The following TRAPPC9 variants were observed in gnomAD, a reference collection of about 807,000 sequenced individuals.
The protein encoded by TRAPPC9 is IKK2 binding protein.
A neutral mutation model predicts 124.0 loss-of-function variants in TRAPPC9; 83 were observed. The observed-to-expected ratio is 0.67, with a 90% CI of 0.56 to 0.80. TRAPPC9 has a LOEUF of 0.80. TRAPPC9 is among the 30% of genes least tolerant of loss of function. The pLI is 0.00. For synonymous variants in TRAPPC9, 638 were observed against 617.5 expected, an observed-to-expected ratio of 1.03 and a Z score of -0.49; for missense variants, 1,302 against 1,508.3, an observed-to-expected ratio of 0.86 and a Z score of 2.27.
At chr8:140,033,644 C>T (rs1044168073) in intron 17 of TRAPPC9, among the ~76,000 whole-genome samples, 5 of 127,886 alleles carry the variant, frequency 3.9e-5, no homozygotes, top group African/African-American at 1.4e-4. Flanking sequence ...TGAAATGCAA[C>T]TCTTCATAAT....
At chr8:140,453,031 TC>T (rs1240821521) in intron 1 of TRAPPC9, among the ~76,000 whole-genome samples, 3 of 152,194 alleles carry the variant, frequency 2.0e-5, no homozygotes, top group African/African-American at 7.2e-5. Context: ...GTATATAGGA[TC>T]CCTCAGTATT....
At chr8:139,946,797 G>A (rs1003587979) in intron 19 of TRAPPC9, among the ~76,000 whole-genome samples, 17 of 150,016 alleles carry the variant, frequency 1.1e-4, no homozygotes, top group African/African-American at 3.7e-4. Context: ...TGGCTAACAC[G>A]GTGAAACCCT....
intron 15 of TRAPPC9, among the ~76,000 whole-genome samples, chr8:140,260,374 G>A (rs929853567): frequency 1.4e-4 from 21 of 152,190 alleles, no homozygotes; most frequent in Non-Finnish European, 2.5e-4. Context: ...GAACTGGTGA[G>A]AAGGACAACA....
At chr8:140,441,044 T>A (rs945832675) in intron 2 of TRAPPC9, among the ~76,000 whole-genome samples, 2 of 131,558 alleles carry the variant, frequency 1.5e-5, no homozygotes, top group African/African-American at 2.9e-5. Context: ...AGTGGCACAA[T>A]CACAGCTCAC....
At chr8:140,175,150 AACAGACAACC>A (rs1230286721) in intron 17 of TRAPPC9, among the ~76,000 whole-genome samples, 2 of 152,184 alleles carry the variant, frequency 1.3e-5, no homozygotes, top group East Asian at 3.9e-4. Context: ...TTCAATTTCC[AACAGACAACC>A]ACTTACCATG....
chr8:140,258,860 G>A (rs2064331069), intron 15 of TRAPPC9, among the ~76,000 whole-genome samples: 1 of 152,202 alleles, frequency 6.6e-6, no homozygotes, highest in Admixed American at 6.5e-5. Flanking sequence ...GCCTATCCCA[G>A]GGCTGCAGGG....
intron 21 of TRAPPC9, among the ~76,000 whole-genome samples, chr8:139,791,827 C>A (rs1220383520): frequency 6.6e-6 from 1 of 152,194 alleles, no homozygotes; most frequent in Non-Finnish European, 1.5e-5. Context: ...GGACAGTGCA[C>A]AGGTCACTCT....
At chr8:140,064,590 A>C (rs1360810316) in intron 17 of TRAPPC9, among the ~76,000 whole-genome samples, 1 of 152,242 alleles carries the variant, frequency 6.6e-6, no homozygotes, top group Non-Finnish European at 1.5e-5. Context: ...GTAACAAAGC[A>C]AAGAGAAATT....
intron 9 of TRAPPC9, among the ~76,000 whole-genome samples, chr8:140,318,376 A>T (rs2066495606): frequency 6.6e-6 from 1 of 152,236 alleles, no homozygotes; most frequent in Admixed American, 6.5e-5. Context: ...TTTTGTGATA[A>T]GAACATTTGA....
intron 18 of TRAPPC9, among the ~76,000 whole-genome samples, chr8:140,005,131 T>G (rs527927607): frequency 1.3e-4 from 20 of 152,334 alleles, no homozygotes; most frequent in Non-Finnish European, 2.2e-4. Flanking sequence ...CACACTGCTA[T>G]GGAGCTTCCT....
At chr8:140,407,942 C>T (rs76076534) in intron 5 of TRAPPC9, among the ~76,000 whole-genome samples, 4,879 of 152,178 alleles carry the variant, frequency 0.032, 170 homozygotes, top group African/African-American at 0.087. Flanking sequence ...ATTTCAACAT[C>T]AAGGCTAGAG....
rs751487459 is a variant in TRAPPC9, at chr8:140,397,797, G to A, written c.1009-52C>T. The A allele has an allele frequency of 1.9e-6, 3 of 1,609,458 alleles. No homozygotes were observed. In the South Asian group the frequency reaches 3.3e-5, roughly 18 times the overall value. On this transcript the variant is annotated intron_variant, in intron 6 of 22. Transcript: ENST00000438773. ...GTCAAAAAAGAGTTCAGATGTTTCT[G>A]TCACATTCTAAAGGCTGTGCTACTG...
chr8:140,298,550 G>T (rs2065875772), intron 11 of TRAPPC9, among the ~76,000 whole-genome samples: 1 of 152,134 alleles, frequency 6.6e-6, no homozygotes, highest in Non-Finnish European at 1.5e-5. Context: ...CACTCGGGAG[G>T]CTGAGGCAGG....
intron 17 of TRAPPC9, among the ~76,000 whole-genome samples, chr8:140,137,855 C>T (rs1184399077): frequency 2.6e-5 from 4 of 152,044 alleles, no homozygotes; most frequent in African/African-American, 7.3e-5. Flanking sequence ...TAACCATATA[C>T]GATTATAATT....
At chr8:140,444,615 C>T (rs2071171245) in intron 2 of TRAPPC9, among the ~76,000 whole-genome samples, 1 of 152,118 alleles carries the variant, frequency 6.6e-6, no homozygotes, top group African/African-American at 2.4e-5. Context: ...AACCTCAACA[C>T]TTTGGGAGAC....
chr8:139,757,919 G>A (rs1819965004), intron 21 of TRAPPC9, among the ~76,000 whole-genome samples: 1 of 152,180 alleles, frequency 6.6e-6, no homozygotes, highest in African/African-American at 2.4e-5. Flanking sequence ...TCACATGCCA[G>A]GAGGCTGCAT....
intron 17 of TRAPPC9, among the ~76,000 whole-genome samples, chr8:140,122,742 G>A (rs951468128): frequency 6.6e-6 from 1 of 152,204 alleles, no homozygotes; most frequent in Non-Finnish European, 1.5e-5. Flanking sequence ...GGTGTCTGAG[G>A]AGGGGATCCA....
rs185129300 is a variant in TRAPPC9, at chr8:139,977,139, T to G, written c.2810+11587A>C. ...CACTTTCATATTTTGTTTCGAGCCA[T>G]GCAGGAGAAGAGTAAGGGTTTTTCT... On this transcript the variant is annotated intron_variant, in intron 19 of 22. Coordinates refer to ENST00000438773, the MANE Select transcript of TRAPPC9 (RefSeq NM_001160372.4). Among the ~76,000 whole-genome samples the G allele has an allele frequency of 5.5e-3, 836 of 152,214 alleles. 8 individuals carry two copies. Among genetic ancestry groups the G allele is most frequent in the Non-Finnish European group, 9.6e-3 (650 of 68,008 alleles).
intron 18 of TRAPPC9, among the ~76,000 whole-genome samples, chr8:140,009,746 C>T (rs1205557033): frequency 3.3e-5 from 5 of 152,338 alleles, no homozygotes; most frequent in Non-Finnish European, 7.3e-5. Context: ...TTTCATAGCA[C>T]GTCCCCCCTG....
Sources: gnomAD v4.1 joint callset for allele counts (sites outside exome capture counted in the v4.1 genomes callset) on GRCh38, gnomAD v4.1.1 for gene constraint, MANE v1.5 for transcripts, NCBI Gene and HGNC (gene_info 2026-07-23, HGNC 2026-07-21) for gene names.